The following NR4A2 variants were observed in gnomAD, a reference collection of about 807,000 sequenced individuals.
The protein encoded by NR4A2 is nuclear receptor subfamily 4 group A member 2.
A neutral mutation model predicts 50.5 loss-of-function variants in NR4A2; 1 was observed. The ratio of observed to expected loss-of-function variants is 0.02; its 90% CI spans 0.01 to 0.09. The LOEUF is 0.09. Ranked by LOEUF, NR4A2 falls within the 10% of genes least tolerant of loss-of-function variation. The pLI, the probability that NR4A2 is intolerant of heterozygous loss-of-function variation, is 1.00. For missense variants in NR4A2, 613 were observed against 777.3 expected, an observed-to-expected ratio of 0.79 and a Z score of 2.51; for synonymous variants, 328 against 309.4, an observed-to-expected ratio of 1.06 and a Z score of -0.63.
rs1457299588 is a variant in NR4A2, at chr2:156,325,895, G to T, written c.1646C>A (p.Pro549His). The change falls in exon 8 of 8, where the codon CCC becomes CAC. Residue 549 changes from proline to histidine, a missense_variant. Pro to His is a moderately conservative substitution (Grantham distance 77). Around this residue, in one of 4 missense-constraint regions of NR4A2, gnomAD observed 250 missense variants for 311.3 expected, o/e 0.80. Transcript: ENST00000339562. ...VTFNNGGLNR[P>H]NYLSKLLGKL... ...CCCCAACAGTTTGGACAAATAATTGGGGCGGTTCAACCCCCCATTGTTGAA... is the reference window on the plus strand; with the variant it reads ...CCCCAACAGTTTGGACAAATAATTGTGGCGGTTCAACCCCCCATTGTTGAA... 1 of 1,614,164 alleles carries T rather than the reference G, an allele frequency of 6.2e-7. No individual in the cohort carries two copies. Among genetic ancestry groups the T allele is most frequent in the Non-Finnish European group, 8.5e-7 (1 of 1,180,034 alleles).
In NR4A2 at chr2:156,330,762, A is replaced by G. The variant is rs1459004183; in HGVS notation, c.-97T>C. ...AGTTTCCAAGATTTTTAGAAAAGCAATGGGGAGTCCAGCCTGTCCAATCTC... is the reference window on the plus strand; with the variant it reads ...AGTTTCCAAGATTTTTAGAAAAGCAGTGGGGAGTCCAGCCTGTCCAATCTC... On this transcript the variant is annotated 5_prime_UTR_variant, in exon 2 of 8. Transcript: ENST00000339562. The G allele has an allele frequency of 6.4e-6, 8 of 1,257,076 alleles. No individual in the cohort carries two copies. The highest frequency in any genetic ancestry group is 1.5e-5 in the African/African-American group (1 of 64,984). 77.9% of individuals were successfully genotyped at this position (1,257,076 alleles called of 1,614,324 possible). A position where few individuals can be genotyped will look rare whatever the true frequency, so the allele number is the denominator to read the frequency against.
Position 156,327,893 on chromosome 2 carries a change from A to G in NR4A2, c.1116T>C (p.His372=), listed in dbSNP as rs1012166350. The G allele has an allele frequency of 6.3e-6, 10 of 1,594,522 alleles. No homozygotes were observed. Among genetic ancestry groups the G allele is most frequent in the Non-Finnish European group, 7.7e-6 (9 of 1,169,880 alleles). ...VSLISALVRA[H]VDSNPAMTSL... ...TGGTCATAGCCGGGTTGGAGTCGAC[A>G]TGGGCCCTGACGAGGGCACTGATCA... The change falls in exon 5 of 8, where the codon CAT becomes CAC. Residue 372 remains histidine (H), a synonymous_variant. Coordinates refer to ENST00000339562, the MANE Select transcript of NR4A2 (RefSeq NM_006186.4).
At chr2:156,331,559 C>T (rs1029079951) in intron 1 of NR4A2, among the ~76,000 whole-genome samples, 1 of 152,232 alleles carries the variant, frequency 6.6e-6, no homozygotes, top group Non-Finnish European at 1.5e-5. Flanking sequence ...TTTCCCAGCA[C>T]AGCAAGATGA....
Position 156,328,435 on chromosome 2 carries a change from C to G in NR4A2, c.963G>C (p.Gln321His). The change falls in exon 4 of 8, where the codon CAG becomes CAC. Residue 321 changes from glutamine to histidine, a missense_variant. This residue lies in a region of NR4A2 where 27 missense variants were observed against 120.7 expected (regional missense o/e 0.22). Coordinates refer to ENST00000339562, the MANE Select transcript of NR4A2 (RefSeq NM_006186.4). This position sits in a 1 kb window ranked among gnomAD's most constrained non-coding sequence, Gnocchi z 4.9. ...RRNRCQYCRF[Q>H]KCLAVGMVKE... ...TGACCATCCCAACAGCCAGGCACTT[C>G]TGAAATCGGCAGTACTGACAGCGAT... 6.2e-7 allele frequency: 1 copy of G among 1,614,232 alleles called. No homozygotes were observed. Among genetic ancestry groups the G allele is most frequent in the Non-Finnish European group, 8.5e-7 (1 of 1,180,038 alleles).
At chr2:156,330,227 C>A in intron 2 of NR4A2, 39 bp from the exon 3 acceptor site, 2 of 1,610,426 alleles carry the variant, frequency 1.2e-6, no homozygotes, top group South Asian at 1.1e-5. Context: ...TCAGCCTGGT[C>A]AACTGAACAC....
Position 156,332,705 on chromosome 2 carries a change from CTTTG to C in NR4A2, c.-356_-353del, listed in dbSNP as rs971997166. ...GGACTGGCCCTGGCCGCCAATGTGCCTTTGTTTATGTGGCTTGCGCTGCCGCTGC... is the reference window on the plus strand; with the variant it reads ...GGACTGGCCCTGGCCGCCAATGTGCCTTTATGTGGCTTGCGCTGCCGCTGC... On this transcript the variant is annotated 5_prime_UTR_variant, in exon 1 of 8. Transcript: ENST00000339562. 2 of 366,284 alleles carry C rather than the reference CTTTG, an allele frequency of 5.5e-6. No homozygotes were observed. Among genetic ancestry groups the C allele is most frequent in the Non-Finnish European group, 1.1e-5 (2 of 186,366 alleles). The allele number at this position is 366,284 out of a possible 1,614,324, so 22.7% of individuals were successfully genotyped here.
Position 156,326,127 on chromosome 2 carries a change from C to T in NR4A2, c.1540+23G>A, listed in dbSNP as rs373580097. The T allele has an allele frequency of 6.2e-6, 10 of 1,613,846 alleles. No homozygotes were observed. Among genetic ancestry groups the T allele is most frequent in the African/African-American group, 4.0e-5 (3 of 74,928 alleles). ...CTGCTAGGCAGTTCTGGAGGGGAAG[C>T]GCCCTGCGCCTGCAGTACTGACCTG... On this transcript the variant is annotated intron_variant, in intron 7 of 7. Coordinates refer to ENST00000339562, the MANE Select transcript of NR4A2 (RefSeq NM_006186.4). This position sits in a 1 kb window ranked among gnomAD's most constrained non-coding sequence, Gnocchi z 4.2.
Position 156,327,891 on chromosome 2 carries a change from A to T in NR4A2, c.1118T>A (p.Val373Asp), listed in dbSNP as rs1289927267. The T allele has an allele frequency of 2.5e-6, 4 of 1,593,804 alleles. No homozygotes were observed. Among genetic ancestry groups the T allele is most frequent in the Non-Finnish European group, 3.4e-6 (4 of 1,169,516 alleles). The change falls in exon 5 of 8, where the codon GTC becomes GAC. Residue 373 changes from valine (V) to aspartate (D), a missense_variant. Physicochemically the swap from Val to Asp is radical, Grantham distance 152. This residue lies in a region of NR4A2 where 250 missense variants were observed against 311.3 expected (regional missense o/e 0.80). Transcript: ENST00000339562. ...GCTGGTCATAGCCGGGTTGGAGTCG[A>T]CATGGGCCCTGACGAGGGCACTGAT... ...SLISALVRAH[V>D]DSNPAMTSLD...
rs1248193078 is a variant in NR4A2, at chr2:156,326,569, TTTTC to T, written c.1361+145_1361+148del. 7.6e-6 allele frequency: 8 copies of T among 1,052,096 alleles called. No individual in the cohort carries two copies. Among genetic ancestry groups the T allele is most frequent in the Non-Finnish European group, 9.9e-6 (7 of 706,950 alleles). The allele number at this position is 1,052,096 out of a possible 1,614,324, so 65.2% of individuals were successfully genotyped here. On this transcript the variant is annotated intron_variant, in intron 6 of 7. Transcript: ENST00000339562. The surrounding 1 kb of genome is among the most constrained non-coding windows in gnomAD (Gnocchi z 4.2). ...GCTCGCTTCTTCTCGTCTTTTTTTG[TTTTC>T]TTTCTTTTTCTTCCTTTCTCCGACT...
chr2:156,327,844 T>C lies in NR4A2; in HGVS notation c.1158+7A>G. 6.4e-7 allele frequency: 1 copy of C among 1,572,728 alleles called. No individual in the cohort carries two copies. Among genetic ancestry groups the C allele is most frequent in the Non-Finnish European group, 8.6e-7 (1 of 1,157,856 alleles). ...TCCACATGATATCCCCCCCGCCAGC[T>C]TCTTACCCTGGAATAGTCCAGGCTG... On this transcript the variant is annotated splice_region_variant and intron_variant, in intron 5 of 7. Coordinates refer to ENST00000339562, the MANE Select transcript of NR4A2 (RefSeq NM_006186.4).
rs981969419 is a variant in NR4A2 at position 156,332,662 on chromosome 2, G to T, written c.-309C>A. ...GACAGGCAAAAGGGACCGCGGAGCC[G>T]TGCGCGAGCCGCCGGGCGGACTGGC... On this transcript the variant is annotated 5_prime_UTR_variant, in exon 1 of 8. Coordinates refer to ENST00000339562, the MANE Select transcript of NR4A2 (RefSeq NM_006186.4). 4.8e-6 allele frequency: 2 copies of T among 419,598 alleles called. No individual in the cohort carries two copies. Among genetic ancestry groups the T allele is most frequent in the South Asian group, 1.7e-5 (1 of 57,398 alleles). The allele number at this position is 419,598 out of a possible 1,614,324, so 26.0% of individuals were successfully genotyped here. A position where few individuals can be genotyped will look rare whatever the true frequency, so the allele number is the denominator to read the frequency against.
rs1219502194 is a variant in NR4A2, at chr2:156,329,315, T to A, written c.864+8A>T. The A allele has an allele frequency of 6.2e-7, 1 of 1,610,062 alleles. No individual in the cohort carries two copies. The highest frequency in any genetic ancestry group is 8.5e-7 in the Non-Finnish European group (1 of 1,178,446). On this transcript the variant is annotated splice_region_variant and intron_variant, in intron 3 of 7. Coordinates refer to ENST00000339562, the MANE Select transcript of NR4A2 (RefSeq NM_006186.4). The surrounding 1 kb of genome is among the most constrained non-coding windows in gnomAD (Gnocchi z 7.5). Reference sequence around the variant, plus strand: ...CTACCTGCCTACTCCGCTCCCGCCATTGCTCACCTTAAAGAAGCCTTTGCA... The same window carrying A: ...CTACCTGCCTACTCCGCTCCCGCCAATGCTCACCTTAAAGAAGCCTTTGCA...
In NR4A2 at chr2:156,325,357, T is replaced by C. The variant is rs1323606742; in HGVS notation, c.*387A>G. 6.2e-6 allele frequency: 2 copies of C among 325,056 alleles called. No individual in the cohort carries two copies. Among genetic ancestry groups the C allele is most frequent in the African/African-American group, 4.3e-5 (2 of 46,480 alleles). 20.1% of individuals were successfully genotyped at this position (325,056 alleles called of 1,614,324 possible). ...GTGTGTGTGTGTGTATGTGTGTGTG[T>C]GTTACATTTGTCTGAACTGCAACAA... On this transcript the variant is annotated 3_prime_UTR_variant, in exon 8 of 8. Coordinates refer to ENST00000339562, the MANE Select transcript of NR4A2 (RefSeq NM_006186.4).
chr2:156,330,829 C>T lies in NR4A2; in HGVS notation c.-126-38G>A, dbSNP rs1044415733. ...CACAGGAAGCTTCAGGGTTTCTTCC[C>T]GACAGAGATTCAGCTGGGCATATGT... On this transcript the variant is annotated intron_variant, in intron 1 of 7. Transcript: ENST00000339562. The T allele has an allele frequency of 3.2e-6, 4 of 1,239,354 alleles. No homozygotes were observed. In the South Asian group the frequency reaches 1.2e-4, roughly 37 times the overall value. 76.8% of individuals were successfully genotyped at this position (1,239,354 alleles called of 1,614,324 possible).
Position 156,330,675 on chromosome 2 carries a change from C to T in NR4A2, c.-10G>A, listed in dbSNP as rs572563045. On this transcript the variant is annotated 5_prime_UTR_variant, in exon 2 of 8. Transcript: ENST00000339562. ...AAATGAAGTTGCACTAACCTTCAGCCGAGTTACAGGCGTTTTCGAGGAAAT... is the reference window on the plus strand; with the variant it reads ...AAATGAAGTTGCACTAACCTTCAGCTGAGTTACAGGCGTTTTCGAGGAAAT... 2.4e-6 allele frequency: 3 copies of T among 1,272,966 alleles called. No individual in the cohort carries two copies. The highest frequency in any genetic ancestry group is 5.7e-5 in the East Asian group (2 of 34,812). The allele number at this position is 1,272,966 out of a possible 1,614,324, so 78.9% of individuals were successfully genotyped here.
Position 156,325,514 on chromosome 2 carries a change from G to A in NR4A2, c.*230C>T. 1.7e-6 allele frequency: 1 copy of A among 578,784 alleles called. No homozygotes were observed. Among genetic ancestry groups the A allele is most frequent in the Non-Finnish European group, 3.1e-6 (1 of 325,160 alleles). 35.9% of individuals were successfully genotyped at this position (578,784 alleles called of 1,614,324 possible). A position where few individuals can be genotyped will look rare whatever the true frequency, so the allele number is the denominator to read the frequency against. The stretch of plus-strand genomic sequence containing the variant: ...GTAGTCCATGTTCTAAATCCAGGAT[G>A]CCCCGGAGCCAAAATGCCCTTTCAG... On this transcript the variant is annotated 3_prime_UTR_variant, in exon 8 of 8. Coordinates refer to ENST00000339562, the MANE Select transcript of NR4A2 (RefSeq NM_006186.4).
Position 156,329,981 on chromosome 2 carries a change from G to C in NR4A2, c.206C>G (p.Thr69Arg), listed in dbSNP as rs769351607. 6.2e-7 allele frequency: 1 copy of C among 1,614,204 alleles called. No individual in the cohort carries two copies. The highest frequency in any genetic ancestry group is 2.2e-5 in the East Asian group (1 of 44,878). ...GCAAGGTGGCTTGACGTCGTAGCCT[G>C]TGCTGTAGTTGTCCATAAAGGTACT... ...SFSTFMDNYS[T>R]GYDVKPPCLY... is the part of the protein sequence containing the mutation. Residue 69 changes from threonine (T) to arginine (R), a missense_variant, in exon 3 of 8, where the codon ACA becomes AGA. Thr to Arg is a moderately conservative substitution (Grantham distance 71). Transcript: ENST00000339562. The surrounding 1 kb of genome is among the most constrained non-coding windows in gnomAD (Gnocchi z 7.5).
Position 156,327,857 on chromosome 2 carries a change from A to G in NR4A2, c.1152T>C (p.Tyr384=). The stretch of plus-strand genomic sequence containing the variant: ...CCCCCCGCCAGCTTCTTACCCTGGA[A>G]TAGTCCAGGCTGGTCATAGCCGGGT... ...DSNPAMTSLD[Y]SRFQANPDYQ... The change falls in exon 5 of 8, where the codon TAT becomes TAC. Residue 384 remains tyrosine, a synonymous_variant. Coordinates refer to ENST00000339562, the MANE Select transcript of NR4A2 (RefSeq NM_006186.4). 1 of 1,582,086 alleles carries G rather than the reference A, an allele frequency of 6.3e-7. No individual in the cohort carries two copies. Among genetic ancestry groups the G allele is most frequent in the Non-Finnish European group, 8.6e-7 (1 of 1,162,880 alleles).
chr2:156,325,049 C>T lies in NR4A2; in HGVS notation c.*695G>A, dbSNP rs913710836. ...AGCAAGTGCCTATAACATTTTCAAC[C>T]TAGAATCAACATGCTTGTCCCTTTT... On this transcript the variant is annotated 3_prime_UTR_variant, in exon 8 of 8. Transcript: ENST00000339562. The T allele has an allele frequency of 6.5e-6, 1 of 152,832 alleles. No individual in the cohort carries two copies. Among genetic ancestry groups the T allele is most frequent in the African/African-American group, 2.4e-5 (1 of 41,428 alleles). 9.5% of individuals were successfully genotyped at this position (152,832 alleles called of 1,614,324 possible).
Sources: allele counts gnomAD v4.1 joint callset (sites outside exome capture counted in the v4.1 genomes callset), GRCh38; gene constraint gnomAD v4.1.1; regional missense constraint gnomAD v4.1.1; non-coding constraint Gnocchi (gnomAD v3.1); transcripts MANE v1.5; gene names NCBI Gene and HGNC (gene_info 2026-07-23, HGNC 2026-07-21).